C13orf46: variants seen among roughly 807,000 people sequenced by gnomAD.
C13orf46 encodes chromosome 13 open reading frame 46.
At chr13:113,962,628 C>A (rs1268988173) in intron 6 of C13orf46, among the ~76,000 whole-genome samples, 2 of 152,154 alleles carry the variant, frequency 1.3e-5, no homozygotes, top group African/African-American at 4.8e-5. Flanking sequence ...TAAGAAGCCA[C>A]GTCAGCTCGT....
chr13:113,964,043 G>GT lies in C13orf46; in HGVS notation c.572+883dup, dbSNP rs1266620978. ...TTTTTTGTATTTTGGTAAACACAGG[G>GT]TTTCACCATGTTGGCCAGGATGGTC... On this transcript the variant is annotated intron_variant, in intron 6 of 6. Coordinates refer to ENST00000636427, the MANE Select transcript of C13orf46 (RefSeq NM_001365455.2). Among the ~76,000 whole-genome samples, 4 of 152,210 alleles carry GT rather than the reference G, an allele frequency of 2.6e-5. No homozygotes were observed. In the East Asian group the frequency reaches 7.7e-4, roughly 29 times the overall value.
the C13orf46 span, among the ~76,000 whole-genome samples, chr13:113,934,675 G>T: frequency 1.3e-5 from 2 of 152,244 alleles, no homozygotes; most frequent in African/African-American, 4.8e-5. Context: ...CCTTTCAGTG[G>T]TGATCCTCAC....
the C13orf46 span, among the ~76,000 whole-genome samples, chr13:113,931,930 C>G: frequency 7.2e-5 from 11 of 152,124 alleles, no homozygotes; most frequent in Non-Finnish European, 1.6e-4. Context: ...TCCCCTCCCC[C>G]AGGCTGGCCC....
intron 6 of C13orf46, among the ~76,000 whole-genome samples, chr13:113,962,338 G>A (rs903243350): frequency 4.6e-5 from 7 of 152,298 alleles, no homozygotes; most frequent in East Asian, 3.9e-4. Flanking sequence ...CCTGGGGGGC[G>A]GAGCTTGCAG....
At chr13:113,962,086 G>A (rs2052591839) in intron 6 of C13orf46, among the ~76,000 whole-genome samples, 1 of 152,174 alleles carries the variant, frequency 6.6e-6, no homozygotes, top group Non-Finnish European at 1.5e-5. Flanking sequence ...CTAGGAAAAA[G>A]AAAATCCAGA....
the C13orf46 span, among the ~76,000 whole-genome samples, chr13:113,929,801 C>G: frequency 6.6e-6 from 1 of 152,318 alleles, no homozygotes; most frequent in African/African-American, 2.4e-5. Context: ...CGGAGCATCC[C>G]GTGAGTTCAT....
chr13:113,948,044 A>G, the C13orf46 span, among the ~76,000 whole-genome samples: 7 of 152,390 alleles, frequency 4.6e-5, no homozygotes, highest in East Asian at 1.3e-3. Context: ...TGAAAAGCCC[A>G]CGTCCTGCCA....
intron 1 of C13orf46, among the ~76,000 whole-genome samples, chr13:113,972,982 G>A (rs552351854): frequency 2.7e-4 from 41 of 152,310 alleles, no homozygotes; most frequent in Admixed American, 6.5e-5. Flanking sequence ...TGGACCTGGA[G>A]TGCTCCCCAC....
intron 6 of C13orf46, among the ~76,000 whole-genome samples, chr13:113,963,462 A>AGCTGCAG (rs2052606958): frequency 2.0e-5 from 1 of 51,222 alleles, no homozygotes. Flanking sequence ...CCTCAGCTTC[A>AGCTGCAG]CCCCTGTCCT....
At chr13:113,953,205 G>A (rs897583730), downstream of C13orf46, among the ~76,000 whole-genome samples, 15 of 152,198 alleles carry the variant, frequency 9.9e-5, no homozygotes, top group African/African-American at 3.4e-4. Flanking sequence ...GGACCTGCCC[G>A]CTTCTCTGAT....
chr13:113,944,518 G>A, the C13orf46 span, among the ~76,000 whole-genome samples: 1 of 152,016 alleles, frequency 6.6e-6, no homozygotes, highest in Non-Finnish European at 1.5e-5. Flanking sequence ...GGCCCTCCAG[G>A]TGTGTGACGG....
downstream of C13orf46, among the ~76,000 whole-genome samples, chr13:113,951,825 G>C (rs1257704305): frequency 3.9e-5 from 6 of 152,240 alleles, no homozygotes; most frequent in African/African-American, 1.2e-4. Context: ...CAGAGGGAAC[G>C]GGGCTCCAAG....
the C13orf46 span, among the ~76,000 whole-genome samples, chr13:113,941,860 T>C: frequency 2.0e-5 from 3 of 152,196 alleles, no homozygotes; most frequent in Non-Finnish European, 4.4e-5. Flanking sequence ...CTCTGAGCAG[T>C]TCCTGCCACT....
At position 113,957,094 on chromosome 13, in the gene C13orf46, G is replaced by T. The variant is rs1409390494; in HGVS notation, c.573-255C>A. ...CCATTTCATCAAGCACACTGGGGGG[G>T]TCTCCCCTGCACCTGCATATGCATC... On this transcript the variant is annotated intron_variant, in intron 6 of 6. Transcript: ENST00000636427. Among the ~76,000 whole-genome samples, 747 of 148,790 alleles carry T rather than the reference G, an allele frequency of 5.0e-3. 11 individuals are homozygous for T. Among genetic ancestry groups the T allele is most frequent in the African/African-American group, 0.018 (716 of 40,180 alleles).
At position 113,954,530 on chromosome 13, in the gene C13orf46, CG is replaced by C. The variant is rs1347972481; in HGVS notation, c.*2242del. The C allele has an allele frequency of 6.6e-6, 1 of 152,478 alleles. No homozygotes were observed. Among genetic ancestry groups the C allele is most frequent in the African/African-American group, 2.4e-5 (1 of 41,458 alleles). The allele number at this position is 152,478 out of a possible 1,614,324, so 9.4% of individuals were successfully genotyped here. A position where few individuals can be genotyped will look rare whatever the true frequency, so the allele number is the denominator to read the frequency against. ...CCAGCACCACAGTCTCTGTTGCTCT[CG>C]CAGTCACAGCCGGGGCTCAGCTGCG... On this transcript the variant is annotated 3_prime_UTR_variant, in exon 7 of 7. Coordinates refer to ENST00000636427, the MANE Select transcript of C13orf46 (RefSeq NM_001365455.2).
At chr13:113,939,091 C>G in the C13orf46 span, among the ~76,000 whole-genome samples, 229 of 152,296 alleles carry the variant, frequency 1.5e-3, no homozygotes, top group African/African-American at 5.3e-3. Context: ...GGGCAGAATT[C>G]AGGTCGGACT....
rs1434463505 is a variant in C13orf46, at chr13:113,955,824, C to T, written c.*949G>A. Reference sequence around the variant, plus strand: ...GCAGCCGGCGGAGACGAGGAGCAGCCGGTGGAGACGAGGAGCATCTCGAGG... The same window carrying T: ...GCAGCCGGCGGAGACGAGGAGCAGCTGGTGGAGACGAGGAGCATCTCGAGG... On this transcript the variant is annotated 3_prime_UTR_variant, in exon 7 of 7. Transcript: ENST00000636427. 29 of 120,142 alleles carry T rather than the reference C, an allele frequency of 2.4e-4. No individual in the cohort carries two copies. The highest frequency in any genetic ancestry group is 6.8e-4 in the African/African-American group (20 of 29,476). 7.4% of individuals were successfully genotyped at this position (120,142 alleles called of 1,614,324 possible).
chr13:113,951,905 T>C (rs36155174), downstream of C13orf46, among the ~76,000 whole-genome samples: 64,321 of 152,140 alleles, frequency 0.42, 14,676 homozygotes, highest in Non-Finnish European at 0.5. Context: ...GGGGCCACAG[T>C]GCAACGCGAC....
the C13orf46 span, among the ~76,000 whole-genome samples, chr13:113,941,906 T>C: frequency 6.6e-6 from 1 of 152,240 alleles, no homozygotes; most frequent in African/African-American, 2.4e-5. Flanking sequence ...CCCTTAGCAC[T>C]TTACCTCCAA....
Sources: allele counts gnomAD v4.1 joint callset (sites outside exome capture counted in the v4.1 genomes callset), GRCh38; gene constraint gnomAD v4.1.1; transcripts MANE v1.5; gene names NCBI Gene and HGNC (gene_info 2026-07-23, HGNC 2026-07-21).